Variants in KCNJ5 observed in about 807,000 individuals in gnomAD.
KCNJ5 encodes potassium inwardly rectifying channel subfamily J member 5, also known as G protein-activated inward rectifier potassium channel 4.
In KCNJ5, 12 loss-of-function variants were observed where a neutral mutation model predicts 20.2. That is an observed-to-expected ratio of 0.59 (90% CI 0.38 to 0.96). The LOEUF is 0.96. Ranked by LOEUF, KCNJ5 falls within the 40% of genes least tolerant of loss-of-function variation. The pLI is 0.00. For synonymous variants in KCNJ5, 210 were observed against 213.9 expected (o/e 0.98, Z 0.16); for missense variants, 449 against 557.6 (o/e 0.81, Z 1.96).
intron 1 of KCNJ5, chr11:128,902,832 T>C: frequency 8.8e-7 from 1 of 1,138,500 alleles, no homozygotes; most frequent in Non-Finnish European, 1.2e-6. Context: ...AAAAGGCCTC[T>C]CTCCGACTCC....
chr11:128,911,247 G>A lies in KCNJ5; in HGVS notation c.-10-17G>A, dbSNP rs751829999. On this transcript the variant is annotated splice_polypyrimidine_tract_variant and intron_variant, in intron 1 of 2. Coordinates refer to ENST00000529694, the MANE Select transcript of KCNJ5 (RefSeq NM_000890.5). This position sits in a 1 kb window ranked among gnomAD's most constrained non-coding sequence, Gnocchi z 6.3. ...CAGAACAGCCCACTTCACTGATGGTGTCTTTTTAACTCAAAGCATCCCAGC... is the reference window on the plus strand; with the variant it reads ...CAGAACAGCCCACTTCACTGATGGTATCTTTTTAACTCAAAGCATCCCAGC... The A allele has an allele frequency of 6.2e-7, 1 of 1,602,796 alleles. No homozygotes were observed. Among genetic ancestry groups the A allele is most frequent in the South Asian group, 1.1e-5 (1 of 90,852 alleles).
intron 1 of KCNJ5, among the ~76,000 whole-genome samples, chr11:128,906,614 G>A (rs1944420000): frequency 6.6e-6 from 1 of 152,132 alleles, no homozygotes; most frequent in Admixed American, 6.5e-5. Flanking sequence ...ATCATCTGGG[G>A]GCTGCTCTCA....
In KCNJ5 at chr11:128,911,465, C is replaced by T. The variant is rs140848236; in HGVS notation, c.192C>T (p.His64=). Residue 64 remains histidine, a synonymous_variant, in exon 2 of 3, where the codon CAC becomes CAT. Coordinates refer to ENST00000529694, the MANE Select transcript of KCNJ5 (RefSeq NM_000890.5). This position sits in a 1 kb window ranked among gnomAD's most constrained non-coding sequence, Gnocchi z 6.3. ...MEKSGKCNVH[H]GNVQETYRYL... ...AGAGTGGCAAGTGCAACGTGCACCA[C>T]GGCAACGTCCAGGAGACCTACCGGT... The T allele has an allele frequency of 3.4e-4, 552 of 1,614,258 alleles. 5 individuals are homozygous for T. The African/African-American group carries it at 6.2e-3, about 18-fold the overall frequency.
At chr11:128,892,626 T>TG (rs1944112598) in intron 1 of KCNJ5, among the ~76,000 whole-genome samples, 1 of 152,180 alleles carries the variant, frequency 6.6e-6, no homozygotes, top group Non-Finnish European at 1.5e-5. Flanking sequence ...ATTCTACAGG[T>TG]GAAAAATTGA....
chr11:128,912,072 C>T lies in KCNJ5; in HGVS notation c.799C>T (p.Arg267Cys), dbSNP rs755436659. Residue 267 changes from arginine to cysteine, a missense_variant, in exon 2 of 3, where the codon CGC becomes TGC. Arg to Cys is a radical substitution (Grantham distance 180). Coordinates refer to ENST00000529694, the MANE Select transcript of KCNJ5 (RefSeq NM_000890.5). ...CGTGGGCTTTGACACGGGCGACGACCGCCTCTTCCTTGTGTCTCCTCTGAT... is the reference window on the plus strand; with the variant it reads ...CGTGGGCTTTGACACGGGCGACGACTGCCTCTTCCTTGTGTCTCCTCTGAT... ...INVGFDTGDD[R>C]LFLVSPLIIS... is the part of the protein sequence containing the mutation. 5.0e-6 allele frequency: 8 copies of T among 1,613,808 alleles called. No homozygotes were observed. Among genetic ancestry groups the T allele is most frequent in the Non-Finnish European group, 5.9e-6 (7 of 1,180,016 alleles).
At position 128,911,484 on chromosome 11, in the gene KCNJ5, T is replaced by C; in HGVS notation, c.211T>C (p.Tyr71His). The change falls in exon 2 of 3, where the codon TAC (tyrosine) becomes CAC (histidine). Residue 71 changes from tyrosine (Y) to histidine (H), a missense_variant. This residue lies in a region of KCNJ5 where 203 missense variants were observed against 258.0 expected (regional missense o/e 0.79). Transcript: ENST00000529694. The surrounding 1 kb of genome is among the most constrained non-coding windows in gnomAD (Gnocchi z 6.3). ...NVHHGNVQET[Y>H]RYLSDLFTTL... is the part of the protein sequence containing the mutation. ...GCACCACGGCAACGTCCAGGAGACC[T>C]ACCGGTACCTGAGTGACCTCTTCAC... The C allele has an allele frequency of 6.2e-7, 1 of 1,614,244 alleles. No individual in the cohort carries two copies. The highest frequency in any genetic ancestry group is 8.5e-7 in the Non-Finnish European group (1 of 1,180,040).
In KCNJ5 at chr11:128,916,527, T is replaced by C. The variant is rs775911875; in HGVS notation, c.1056T>C (p.His352=). 13 of 1,614,146 alleles carry C rather than the reference T, an allele frequency of 8.1e-6. No homozygotes were observed. In the South Asian group the frequency reaches 1.4e-4, roughly 18 times the overall value. The part of the protein sequence containing the change: ...GFYEVDYNTF[H]DTYETNTPSC... The stretch of plus-strand genomic sequence containing the variant: ...ATGAGGTGGACTACAACACCTTCCA[T>C]GATACCTATGAGACCAACACACCCA... Residue 352 remains histidine (H), a synonymous_variant, in exon 3 of 3, where the codon CAT becomes CAC. Coordinates refer to ENST00000529694, the MANE Select transcript of KCNJ5 (RefSeq NM_000890.5).
chr11:128,916,743 T>C lies in KCNJ5; in HGVS notation c.*12T>C. 6.3e-7 allele frequency: 1 copy of C among 1,576,998 alleles called. No individual in the cohort carries two copies. Among genetic ancestry groups the C allele is most frequent in the African/African-American group, 1.4e-5 (1 of 74,032 alleles). ...GGGGCTCGGTGTGAGGGGTGCAGCC[T>C]CCCTAAGACCTCCTGTCACTGGCTT... On this transcript the variant is annotated 3_prime_UTR_variant, in exon 3 of 3. Coordinates refer to ENST00000529694, the MANE Select transcript of KCNJ5 (RefSeq NM_000890.5).
intron 2 of KCNJ5, among the ~76,000 whole-genome samples, chr11:128,913,341 T>C (rs1465160316): frequency 1.3e-5 from 2 of 152,208 alleles, no homozygotes. Context: ...AAATGCCCTT[T>C]GTGTGGCCAG....
At chr11:128,908,193 G>C (rs1011659846) in intron 1 of KCNJ5, among the ~76,000 whole-genome samples, 1 of 152,194 alleles carries the variant, frequency 6.6e-6, no homozygotes, top group Non-Finnish European at 1.5e-5. Context: ...TGGGGTTAAT[G>C]GGATATTGCA....
At position 128,904,673 on chromosome 11, in the gene KCNJ5, G is replaced by A. The variant is rs960696106; in HGVS notation, c.-10-6591G>A. On this transcript the variant is annotated intron_variant, in intron 1 of 2. Transcript: ENST00000529694. ...AGGAAGGGAAAGCACAGGAACGAAT[G>A]CCAGTGAAGTGTGAGTCGACCTCCT... is the stretch of plus-strand genomic sequence containing the variant. The A allele has an allele frequency of 1.1e-5, 7 of 641,518 alleles. No homozygotes were observed. The African/African-American group carries it at 1.3e-4, about 12-fold the overall frequency. 39.7% of individuals were successfully genotyped at this position (641,518 alleles called of 1,614,324 possible).
At chr11:128,894,561 T>C (rs1565541777) in intron 1 of KCNJ5, among the ~76,000 whole-genome samples, 1 of 152,250 alleles carries the variant, frequency 6.6e-6, no homozygotes, top group East Asian at 1.9e-4. Flanking sequence ...CTGTGTTTTG[T>C]TTTTATTTTC....
intron 1 of KCNJ5, chr11:128,903,595 G>T: frequency 6.8e-7 from 1 of 1,480,192 alleles, no homozygotes; most frequent in Non-Finnish European, 9.3e-7. Flanking sequence ...TACTGCGGGG[G>T]CCGTTGTCCA....
chr11:128,898,341 T>TA (rs1195117785), intron 1 of KCNJ5, among the ~76,000 whole-genome samples: 1 of 152,250 alleles, frequency 6.6e-6, no homozygotes, highest in Non-Finnish European at 1.5e-5. Context: ...TGGCATTTTG[T>TA]AATTGTCAGC....
chr11:128,901,015 G>A (rs1944266801), intron 1 of KCNJ5: 1 of 152,206 alleles, frequency 6.6e-6, no homozygotes, highest in South Asian at 2.1e-4. Flanking sequence ...ATGAACATTA[G>A]GATTTCCACA....
At position 128,916,671 on chromosome 11, in the gene KCNJ5, G is replaced by A. The variant is rs1481030472; in HGVS notation, c.1200G>A (p.Gln400=). The change falls in exon 3 of 3, where the codon CAG becomes CAA. Residue 400 remains glutamine (Q), a synonymous_variant. Transcript: ENST00000529694. ...CAGGGCTGGATGCAGAGGCTGAGCA[G>A]AATGAAGAAGATGAGCCCAAGGGGC... ...AEAGLDAEAE[Q]NEEDEPKGLG... is the part of the protein sequence containing the mutation. The A allele has an allele frequency of 2.5e-6, 4 of 1,611,868 alleles. No individual in the cohort carries two copies. The highest frequency in any genetic ancestry group is 2.5e-6 in the Non-Finnish European group (3 of 1,179,234).
At chr11:128,902,452 G>A (rs1944301966) in intron 1 of KCNJ5, 8 of 1,451,170 alleles carry the variant, frequency 5.5e-6, no homozygotes, top group Middle Eastern at 2.4e-4. Flanking sequence ...TTAGGGAGGA[G>A]AAGGCAGCGA....
At chr11:128,906,065 C>T (rs760809482) in intron 1 of KCNJ5, 2 of 152,138 alleles carry the variant, frequency 1.3e-5, no homozygotes, top group African/African-American at 4.8e-5. Flanking sequence ...CCCTCCAGCC[C>T]CTTTCCCAGC....
At chr11:128,904,069 T>C (rs1565547192) in intron 1 of KCNJ5, among the ~76,000 whole-genome samples, 1 of 152,184 alleles carries the variant, frequency 6.6e-6, no homozygotes, top group Non-Finnish European at 1.5e-5. Flanking sequence ...TTGTGACCTG[T>C]AAAATGAGGC....
Sources: gnomAD v4.1 joint callset for allele counts (sites outside exome capture counted in the v4.1 genomes callset) on GRCh38, gnomAD v4.1.1 for gene constraint, gnomAD v4.1.1 regional missense constraint, Gnocchi (gnomAD v3.1) non-coding constraint, MANE v1.5 for transcripts, NCBI Gene and HGNC (gene_info 2026-07-23, HGNC 2026-07-21) for gene names.